Variants in ADCY2 observed in about 807,000 individuals in gnomAD.
ADCY2 encodes the protein adenylate cyclase type 2.
Under a neutral mutation model 125.2 loss-of-function variants are expected in ADCY2, and 31 were observed. The observed-to-expected ratio is 0.25, with a 90% CI of 0.19 to 0.33. The LOEUF (loss-of-function observed/expected upper bound fraction) is 0.33, where lower values mean the gene tolerates loss of function less well. Ranked by LOEUF, ADCY2 falls within the 10% of genes least tolerant of loss-of-function variation. The pLI is 1.00. For synonymous variants in ADCY2, 512 were observed against 548.4 expected (o/e 0.93, Z 0.93); for missense variants, 904 against 1,418.2 (o/e 0.64, Z 5.82).
At chr5:7,687,969 C>A (rs1251378809) in intron 4 of ADCY2, among the ~76,000 whole-genome samples, 2 of 152,166 alleles carry the variant, frequency 1.3e-5, no homozygotes, top group African/African-American at 4.8e-5. Flanking sequence ...CATCACCCAT[C>A]AGAAAGAGTA....
chr5:7,717,099 G>A, intron 11 of ADCY2, 58 bp from the exon 12 acceptor site: 1 of 1,151,628 alleles, frequency 8.7e-7, no homozygotes, highest in South Asian at 1.4e-5. Flanking sequence ...TAAAAAATTG[G>A]CTTAATATTT....
At chr5:7,484,085 C>G (rs1293172318) in intron 2 of ADCY2, among the ~76,000 whole-genome samples, 1 of 152,172 alleles carries the variant, frequency 6.6e-6, no homozygotes, top group African/African-American at 2.4e-5. Context: ...TCAATATTTA[C>G]TTTAATCCAT....
At chr5:7,687,075 C>T (rs997559085) in intron 4 of ADCY2, among the ~76,000 whole-genome samples, 2 of 152,164 alleles carry the variant, frequency 1.3e-5, no homozygotes, top group African/African-American at 2.4e-5. Context: ...CAGTTACCAA[C>T]GTCTTCATTT....
intron 2 of ADCY2, among the ~76,000 whole-genome samples, chr5:7,498,239 GTTTTTTTTTTT>G (rs910360437): frequency 4.8e-5 from 3 of 62,114 alleles, no homozygotes; most frequent in South Asian, 1.3e-3. Flanking sequence ...TTCTTTTTTC[GTTTTTTTTTTT>G]TTTTTTTTTT....
At chr5:7,580,679 G>A (rs556236461) in intron 3 of ADCY2, among the ~76,000 whole-genome samples, 3 of 152,236 alleles carry the variant, frequency 2.0e-5, no homozygotes, top group South Asian at 2.1e-4. Context: ...GGGAAATAAT[G>A]GCTAAATTTG....
At chr5:7,592,577 A>T (rs1736882542) in intron 3 of ADCY2, among the ~76,000 whole-genome samples, 1 of 152,146 alleles carries the variant, frequency 6.6e-6, no homozygotes, top group Non-Finnish European at 1.5e-5. Context: ...AAAAATAAAA[A>T]GTCTTGAGAA....
intron 11 of ADCY2, among the ~76,000 whole-genome samples, chr5:7,715,355 C>T (rs1741563059): frequency 6.6e-6 from 1 of 152,152 alleles, no homozygotes. Context: ...CGAAGAATTA[C>T]ATTTTCCTGT....
intron 2 of ADCY2, among the ~76,000 whole-genome samples, chr5:7,520,211 A>G (rs1300172202): frequency 6.6e-6 from 1 of 152,122 alleles, no homozygotes; most frequent in Non-Finnish European, 1.5e-5. Flanking sequence ...AGGAATTGCC[A>G]CTCTGAGTTC....
Position 7,789,755 on chromosome 5 carries a change from C to T in ADCY2, c.2583C>T (p.Pro861=), listed in dbSNP as rs762351939. ...GCGTGCTGCTGGAGAACGTGCTTCC[C>T]GCGCACGTGGCTGAGCACTTCCTGG... The part of the protein sequence containing the change: ...LNRVLLENVL[P]AHVAEHFLAR... Residue 861 remains proline (P), a synonymous_variant, in exon 20 of 25, where the codon CCC becomes CCT. Transcript: ENST00000338316. The T allele has an allele frequency of 2.7e-5, 43 of 1,603,538 alleles. No homozygotes were observed. The highest frequency in any genetic ancestry group is 3.3e-5 in the Non-Finnish European group (39 of 1,174,560).
chr5:7,562,607 G>C (rs13163862), intron 3 of ADCY2, among the ~76,000 whole-genome samples: 8 of 151,932 alleles, frequency 5.3e-5, no homozygotes, highest in African/African-American at 1.7e-4. Flanking sequence ...TGGAGCATGC[G>C]TGCACAGACA....
intron 2 of ADCY2, among the ~76,000 whole-genome samples, chr5:7,432,914 G>GTACATGTTGTACTGCTTATTA (rs1740660358): frequency 6.6e-6 from 1 of 152,092 alleles, no homozygotes; most frequent in Admixed American, 6.5e-5. Flanking sequence ...ACTGCTTATT[G>GTACATGTTGTACTGCTTATTA]TACTGCATGA....
At chr5:7,609,422 G>C (rs967049743) in intron 3 of ADCY2, among the ~76,000 whole-genome samples, 18 of 152,196 alleles carry the variant, frequency 1.2e-4, no homozygotes, top group Non-Finnish European at 1.9e-4. Context: ...CACATAAGAG[G>C]CTGTCAATAA....
Position 7,439,379 on chromosome 5 carries a change from C to G in ADCY2, c.408+24609C>G, listed in dbSNP as rs553266488. On this transcript the variant is annotated intron_variant, in intron 2 of 24. Coordinates refer to ENST00000338316, the MANE Select transcript of ADCY2 (RefSeq NM_020546.3). ...ACTTCCATTTATAAAACCGTCAGCTCTCATGAGACTTATTCACTACCATGA... is the reference window on the plus strand; with the variant it reads ...ACTTCCATTTATAAAACCGTCAGCTGTCATGAGACTTATTCACTACCATGA... Among the ~76,000 whole-genome samples, 6 of 152,210 alleles carry G rather than the reference C, an allele frequency of 3.9e-5. No homozygotes were observed. In the South Asian group the frequency reaches 1.2e-3, roughly 32 times the overall value.
At chr5:7,706,965 C>A in intron 8 of ADCY2, 63 bp downstream of exon 8, 1 of 1,592,496 alleles carries the variant, frequency 6.3e-7, no homozygotes, top group South Asian at 1.1e-5. Flanking sequence ...GACAGATTAT[C>A]AGCCTAATGA....
In ADCY2 at chr5:7,802,159, A is replaced by G; in HGVS notation, c.2629-59A>G. 6.3e-7 allele frequency: 1 copy of G among 1,578,072 alleles called. No individual in the cohort carries two copies. The highest frequency in any genetic ancestry group is 8.6e-7 in the Non-Finnish European group (1 of 1,160,218). ...GCATAAACAAGCCACTTGCCTGTGG[A>G]GTGTTTCTGTTTAAAGGTCAGTCTC... On this transcript the variant is annotated intron_variant, in intron 20 of 24. Transcript: ENST00000338316. This position sits in a 1 kb window ranked among gnomAD's most constrained non-coding sequence, Gnocchi z 4.6.
At chr5:7,647,096 C>G (rs1467600225) in intron 4 of ADCY2, among the ~76,000 whole-genome samples, 1 of 152,168 alleles carries the variant, frequency 6.6e-6, no homozygotes, top group Non-Finnish European at 1.5e-5. Context: ...CCTCACTGAG[C>G]AGACTCTTTC....
chr5:7,795,126 G>C (rs1438753242), intron 20 of ADCY2: 1 of 152,192 alleles, frequency 6.6e-6, no homozygotes, highest in Non-Finnish European at 1.5e-5. Flanking sequence ...CCTGAGAGGT[G>C]ACTGAGAGCA....
intron 1 of ADCY2, among the ~76,000 whole-genome samples, chr5:7,405,059 G>A (rs1376603774): frequency 6.6e-6 from 1 of 152,080 alleles, no homozygotes; most frequent in Non-Finnish European, 1.5e-5. Flanking sequence ...CTGCCATACT[G>A]TATTGATTGA....
At chr5:7,662,374 C>T (rs763079818) in intron 4 of ADCY2, among the ~76,000 whole-genome samples, 1 of 152,188 alleles carries the variant, frequency 6.6e-6, no homozygotes, top group African/African-American at 2.4e-5. Flanking sequence ...AACTGAGACT[C>T]CTTCATCCAA....
Sources: allele counts gnomAD v4.1 joint callset (sites outside exome capture counted in the v4.1 genomes callset), GRCh38; gene constraint gnomAD v4.1.1; non-coding constraint Gnocchi (gnomAD v3.1); transcripts MANE v1.5; gene names NCBI Gene and HGNC (gene_info 2026-07-23, HGNC 2026-07-21).